UTP20: variants seen among roughly 807,000 people sequenced by gnomAD.
UTP20 encodes the protein UTP20 small subunit processome component.
A neutral mutation model predicts 329.5 loss-of-function variants in UTP20; 164 were observed. That is an observed-to-expected ratio of 0.50 (90% CI 0.44 to 0.57). UTP20 has a LOEUF of 0.57. Ranked by LOEUF, UTP20 falls within the 20% of genes least tolerant of loss-of-function variation. UTP20 has a pLI of 0.00. For synonymous variants in UTP20, 1,151 were observed against 1,159.3 expected, an observed-to-expected ratio of 0.99 and a Z score of 0.14; for missense variants, 3,055 against 3,284.2, an observed-to-expected ratio of 0.93 and a Z score of 1.71.
At chr12:101,330,864 G>A (rs1170389516) in intron 27 of UTP20, among the ~76,000 whole-genome samples, 4 of 152,180 alleles carry the variant, frequency 2.6e-5, no homozygotes, top group Non-Finnish European at 5.9e-5. Context: ...ACAGATAGGA[G>A]CTTTCTTATA....
chr12:101,341,645 G>C (rs756417247), intron 32 of UTP20, among the ~76,000 whole-genome samples: 2 of 152,166 alleles, frequency 1.3e-5, no homozygotes, highest in African/African-American at 4.8e-5. Flanking sequence ...AGTGGCTCAC[G>C]CCTGTAATCC....
At position 101,310,595 on chromosome 12, in the gene UTP20, A is replaced by AAAAAAAAAAAG. The variant is rs1330692306; in HGVS notation, c.2231+759_2231+760insAAAAAAAGAAA. On this transcript the variant is annotated intron_variant, in intron 19 of 61. Coordinates refer to ENST00000261637, the MANE Select transcript of UTP20 (RefSeq NM_014503.3). The stretch of plus-strand genomic sequence containing the variant: ...TGTCTCCCAAAAAAAAAAAAAAAAA[A>AAAAAAAAAAAG]AAATACATGTTATGGCTCATGTGTA... Among the ~76,000 whole-genome samples the AAAAAAAAAAAG allele has an allele frequency of 1.3e-3, 163 of 121,712 alleles. 6 individuals are homozygous for AAAAAAAAAAAG. Among genetic ancestry groups the AAAAAAAAAAAG allele is most frequent in the African/African-American group, 2.8e-3 (109 of 38,322 alleles). 79.8% of individuals were successfully genotyped at this position (121,712 alleles called of 152,430 possible). A position where few individuals can be genotyped will look rare whatever the true frequency, so the allele number is the denominator to read the frequency against.
chr12:101,371,492 T>C (rs1281788550), intron 51 of UTP20, among the ~76,000 whole-genome samples: 2 of 150,762 alleles, frequency 1.3e-5, no homozygotes, highest in Admixed American at 6.6e-5. Context: ...GGCAGGACCT[T>C]GTGGTCTTGT....
At position 101,371,156 on chromosome 12, in the gene UTP20, C is replaced by G; in HGVS notation, c.6786C>G (p.Val2262=). The change falls in exon 51 of 62, where the codon GTC becomes GTG. Residue 2262 remains valine (V), a synonymous_variant. Coordinates refer to ENST00000261637, the MANE Select transcript of UTP20 (RefSeq NM_014503.3). ...AVSAQSEPAR[V]QCRQVFLKYI... is the part of the protein sequence containing the mutation. ...CTGCACAAAGCGAACCTGCCAGGGT[C>G]CAGTGTAGACAGGTTTGTAGAGAGC... 2 of 1,613,384 alleles carry G rather than the reference C, an allele frequency of 1.2e-6. No homozygotes were observed. The highest frequency in any genetic ancestry group is 1.7e-6 in the Non-Finnish European group (2 of 1,179,588).
At chr12:101,377,704 A>G (rs7955776) in intron 56 of UTP20, among the ~76,000 whole-genome samples, 18 of 152,078 alleles carry the variant, frequency 1.2e-4, no homozygotes, top group African/African-American at 2.2e-4. Context: ...TTGGGTCTCA[A>G]TGGAGTGGTG....
Position 101,298,752 on chromosome 12 carries a change from T to C in UTP20, c.1431-930T>C, listed in dbSNP as rs148690210. 4.5e-4 allele frequency among the ~76,000 whole-genome samples: 68 copies of C among 152,314 alleles called. 1 individual carries two copies. In the East Asian group the frequency reaches 0.011, roughly 24 times the overall value. ...ACTATATATATCAAGATGTGGTGAC[T>C]TTAAGGAATTGATAATTAAATTAAC... On this transcript the variant is annotated intron_variant, in intron 12 of 61. Coordinates refer to ENST00000261637, the MANE Select transcript of UTP20 (RefSeq NM_014503.3).
At position 101,355,164 on chromosome 12, in the gene UTP20, G is replaced by A. The variant is rs778031661; in HGVS notation, c.5394+46G>A. 1.6e-5 allele frequency: 26 copies of A among 1,578,176 alleles called. No individual in the cohort carries two copies. The Admixed American group carries it at 2.7e-4, about 16-fold the overall frequency. ...CCAGCAGGTCTGTGTGAATTCTGGT[G>A]TTGGTGGAGCCCTGTCACACTGAGG... On this transcript the variant is annotated intron_variant, in intron 41 of 61. Coordinates refer to ENST00000261637, the MANE Select transcript of UTP20 (RefSeq NM_014503.3).
intron 6 of UTP20, 131 bp downstream of exon 6, chr12:101,289,172 T>C (rs754457958): frequency 2.6e-5 from 19 of 737,838 alleles, no homozygotes; most frequent in African/African-American, 3.6e-5. Context: ...AGGTCAGGAA[T>C]TGGAGACCAG....
chr12:101,356,193 C>A (rs1869715422), intron 41 of UTP20, among the ~76,000 whole-genome samples: 1 of 152,206 alleles, frequency 6.6e-6, no homozygotes, highest in Non-Finnish European at 1.5e-5. Context: ...GTGGCACGAT[C>A]TCGGCTCACC....
rs201873038 is a variant in UTP20, at chr12:101,291,877, G to A, written c.1027G>A (p.Asp343Asn). 1 of 1,612,436 alleles carries A rather than the reference G, an allele frequency of 6.2e-7. No homozygotes were observed. The highest frequency in any genetic ancestry group is 8.5e-7 in the Non-Finnish European group (1 of 1,179,564). ...GSGTKIPTPA[D>N]VCKVLSQTLQ... is the part of the protein sequence containing the mutation. ...TGGGACAAAGATACCCACGCCTGCT[G>A]ATGTCTGTAAGGTGAGTTCCCAACT... Residue 343 changes from aspartate to asparagine, a missense_variant, in exon 9 of 62, where the codon GAT becomes AAT. Transcript: ENST00000261637.
intron 38 of UTP20, among the ~76,000 whole-genome samples, chr12:101,349,175 G>GT (rs563870405): frequency 4.9e-4 from 74 of 151,524 alleles, no homozygotes; most frequent in African/African-American, 8.5e-4. Flanking sequence ...GTTTTGTTTT[G>GT]TTTTTTTGTT....
intron 29 of UTP20, among the ~76,000 whole-genome samples, chr12:101,336,146 C>G (rs1868927358): frequency 6.6e-6 from 1 of 152,068 alleles, no homozygotes. Context: ...CTTTTTTTCC[C>G]TTTTATACTT....
chr12:101,285,534 A>G (rs1413942752), intron 2 of UTP20, 36 bp from the exon 3 acceptor site: 2 of 1,594,154 alleles, frequency 1.3e-6, no homozygotes, highest in East Asian at 2.2e-5. Flanking sequence ...GCTTTCTTAG[A>G]GTTATTTGAT....
chr12:101,289,434 TGAATA>T (rs1196972118), intron 6 of UTP20, among the ~76,000 whole-genome samples: 8 of 152,086 alleles, frequency 5.3e-5, no homozygotes, highest in Admixed American at 1.3e-4. Flanking sequence ...AATAATCTGA[TGAATA>T]GAAGTAGATA....
chr12:101,363,776 G>A (rs760556973), intron 45 of UTP20, 33 bp downstream of exon 45: 6 of 1,411,686 alleles, frequency 4.3e-6, no homozygotes, highest in Non-Finnish European at 6.0e-6. Context: ...GGAGATCACA[G>A]CATTACAATC....
rs1428835575 is a variant in UTP20, at chr12:101,356,848, T to C, written c.5535-78T>C. On this transcript the variant is annotated intron_variant, in intron 42 of 61. Transcript: ENST00000261637. ...CAGGAAAATTTGAGTTACGAGTAATTAAGAGACTAAAGGATATGTGTATGT... is the reference window on the plus strand; with the variant it reads ...CAGGAAAATTTGAGTTACGAGTAATCAAGAGACTAAAGGATATGTGTATGT... 6 of 1,499,666 alleles carry C rather than the reference T, an allele frequency of 4.0e-6. No homozygotes were observed. In the African/African-American group the frequency reaches 7.0e-5, roughly 18 times the overall value. The allele number at this position is 1,499,666 out of a possible 1,614,324, so 92.9% of individuals were successfully genotyped here.
At chr12:101,328,585 A>C (rs1207818427) in intron 26 of UTP20, among the ~76,000 whole-genome samples, 1 of 152,142 alleles carries the variant, frequency 6.6e-6, no homozygotes, top group East Asian at 1.9e-4. Context: ...TACCAGATGG[A>C]GGACCAGGCA....
rs1436726138 is a variant in UTP20, at chr12:101,291,988, C to A, written c.1057C>A (p.Gln353Lys). The A allele has an allele frequency of 1.2e-6, 2 of 1,613,124 alleles. No homozygotes were observed. The highest frequency in any genetic ancestry group is 1.3e-5 in the African/African-American group (1 of 74,878). The change falls in exon 10 of 62, where the codon CAA becomes AAA. Residue 353 changes from glutamine (Q) to lysine (K), a missense_variant. Gln to Lys is a moderately conservative substitution (Grantham distance 53, BLOSUM62 1). This residue lies in a region of UTP20 where 2,445 missense variants were observed against 2,575.5 expected (regional missense o/e 0.95). Transcript: ENST00000261637. The stretch of plus-strand genomic sequence containing the variant: ...TTTGCAGGTGTTATCTCAAACACTG[C>A]AAGTAGCCAGTCTCTCCACATCTTG... ...DVCKVLSQTL[Q>K]VASLSTSCWE...
intron 2 of UTP20, among the ~76,000 whole-genome samples, chr12:101,281,766 G>T (rs1441646170): frequency 6.6e-6 from 1 of 152,060 alleles, no homozygotes; most frequent in Middle Eastern, 3.4e-3. Context: ...GTGCAGTGGC[G>T]TGATCTTGGC....
Sources: gnomAD v4.1 joint callset for allele counts (sites outside exome capture counted in the v4.1 genomes callset) on GRCh38, gnomAD v4.1.1 for gene constraint, gnomAD v4.1.1 regional missense constraint, MANE v1.5 for transcripts, NCBI Gene and HGNC (gene_info 2026-07-23, HGNC 2026-07-21) for gene names.